The following DNAH5 variants were observed in gnomAD, a reference collection of about 807,000 sequenced individuals.
DNAH5 encodes dynein axonemal heavy chain 5, also known as axonemal beta dynein heavy chain 5.
DNAH5 carries 372 observed loss-of-function variants against 518.2 expected under a neutral mutation model. The observed-to-expected ratio is 0.72, with a 90% CI of 0.66 to 0.78. DNAH5 has a LOEUF of 0.78. Ranked by LOEUF, DNAH5 falls within the 30% of genes least tolerant of loss-of-function variation. The pLI, the probability that DNAH5 is intolerant of heterozygous loss-of-function variation, is 0.00. For synonymous variants in DNAH5, 2,039 were observed against 2,025.9 expected (o/e 1.01, Z -0.17); for missense variants, 5,523 against 5,687.0 (o/e 0.97, Z 0.93).
At chr5:13,961,715 G>T (rs1169909918) in intron 1 of DNAH5, among the ~76,000 whole-genome samples, 2 of 152,120 alleles carry the variant, frequency 1.3e-5, no homozygotes, top group African/African-American at 4.8e-5. Flanking sequence ...CGGACAAAAT[G>T]ATCCCATCTT....
rs111741405 is a variant in DNAH5, at chr5:13,914,933, G to A, written c.1198-291C>T. ...CAAGGAAGGATTCATTTCCTTCCCT[G>A]AAAACTGATGAGTTTCCCCAAATCT... On this transcript the variant is annotated intron_variant, in intron 9 of 78. Transcript: ENST00000265104. Among the ~76,000 whole-genome samples, 396 of 152,154 alleles carry A rather than the reference G, an allele frequency of 2.6e-3. 4 individuals are homozygous for A. Among genetic ancestry groups the A allele is most frequent in the African/African-American group, 8.9e-3 (371 of 41,534 alleles).
At chr5:13,786,095 T>C (rs529444750) in intron 52 of DNAH5, 84 bp downstream of exon 52, 2 of 1,363,582 alleles carry the variant, frequency 1.5e-6, no homozygotes, top group Admixed American at 3.5e-5. Context: ...TCCTAGGAAA[T>C]GAAAATAAGA....
At chr5:13,961,454 G>C (rs112422021) in intron 1 of DNAH5, among the ~76,000 whole-genome samples, 1 of 152,010 alleles carries the variant, frequency 6.6e-6, no homozygotes, top group Non-Finnish European at 1.5e-5. Flanking sequence ...GACCAGCCTG[G>C]CCAACATGGT....
rs377675255 is a variant in DNAH5, at chr5:13,901,272, G to A, written c.2032C>T (p.His678Tyr). Residue 678 changes from histidine to tyrosine, a missense_variant, in exon 14 of 79, where the codon CAC (histidine) becomes TAC (tyrosine). Transcript: ENST00000265104. ...KVLLEFEVLF[H>Y]RAWLRQIEEI... ...CTCACTTGCCGAAGCCACGCCCTGT[G>A]GAAGAGGACCTCAAACTCCAGGAGG... 1.1e-5 allele frequency: 18 copies of A among 1,613,862 alleles called. No individual in the cohort carries two copies. Among genetic ancestry groups the A allele is most frequent in the Non-Finnish European group, 1.5e-5 (18 of 1,180,020 alleles).
chr5:13,966,778 A>T lies in DNAH5; in HGVS notation c.13-35534T>A, dbSNP rs183112118. ...GATATTAGTCCTTTGTTGGATGCATAGTTTGTGAAGATATTCTCCCACTGT... is the reference window on the plus strand; with the variant it reads ...GATATTAGTCCTTTGTTGGATGCATTGTTTGTGAAGATATTCTCCCACTGT... On this transcript the variant is annotated intron_variant, in intron 1 of 78. Coordinates refer to the DNAH5 transcript ENST00000681290. Among the ~76,000 whole-genome samples, 4 of 152,276 alleles carry T rather than the reference A, an allele frequency of 2.6e-5. No individual in the cohort carries two copies. In the East Asian group the frequency reaches 7.7e-4, roughly 29 times the overall value.
chr5:13,691,838 C>T lies in DNAH5; in HGVS notation c.*146G>A. ...ATGAAACAAGTAAAATATAAGCATC[C>T]AATTAAGGAGTGGGGAAAACCTATG... is the stretch of plus-strand genomic sequence containing the variant. On this transcript the variant is annotated 3_prime_UTR_variant, in exon 79 of 79. Transcript: ENST00000265104. 1.1e-6 allele frequency: 1 copy of T among 886,682 alleles called. No homozygotes were observed. Among genetic ancestry groups the T allele is most frequent in the Non-Finnish European group, 1.8e-6 (1 of 571,086 alleles). The allele number at this position is 886,682 out of a possible 1,614,324, so 54.9% of individuals were successfully genotyped here. A position where few individuals can be genotyped will look rare whatever the true frequency, so the allele number is the denominator to read the frequency against.
Position 13,729,513 on chromosome 5 carries a change from A to T in DNAH5, c.11809T>A (p.Trp3937Arg). The T allele has an allele frequency of 6.2e-7, 1 of 1,614,016 alleles. No individual in the cohort carries two copies. The highest frequency in any genetic ancestry group is 1.1e-5 in the South Asian group (1 of 91,078). Residue 3937 changes from tryptophan (W) to arginine (R), a missense_variant, in exon 69 of 79, where the codon TGG becomes AGG. Coordinates refer to ENST00000265104, the MANE Select transcript of DNAH5 (RefSeq NM_001369.3). The stretch of plus-strand genomic sequence containing the variant: ...TTCAGCCATGTTATGTCCAGGATCC[A>T]TTTTGATGGTTTTGGAGGACAAGCT... The part of the protein sequence containing the change: ...LKACPPKPSK[W>R]ILDITWLNLV...
chr5:13,918,267 C>A (rs944499346), intron 7 of DNAH5, among the ~76,000 whole-genome samples: 3 of 152,120 alleles, frequency 2.0e-5, no homozygotes, highest in Non-Finnish European at 4.4e-5. Context: ...CTGAAGGAAG[C>A]CTCTAGCCAA....
intron 53 of DNAH5, 58 bp from the exon 54 acceptor site, chr5:13,777,413 C>A: frequency 1.3e-6 from 2 of 1,529,746 alleles, no homozygotes; most frequent in Admixed American, 1.7e-5. Context: ...AGGGAAAGAA[C>A]CTTGTAACAA....
At chr5:13,829,277 A>C in intron 38 of DNAH5, among the ~76,000 whole-genome samples, 1 of 152,310 alleles carries the variant, frequency 6.6e-6, no homozygotes, top group Middle Eastern at 3.4e-3. Flanking sequence ...TGGCTCTTAA[A>C]CCAGTGCAGA....
intron 15 of DNAH5, chr5:13,896,822 C>G (rs1027194193): frequency 1.3e-5 from 2 of 152,120 alleles, no homozygotes; most frequent in Non-Finnish European, 2.9e-5. Flanking sequence ...GTAACCATGT[C>G]AATATTAATA....
At chr5:13,886,227 C>T in intron 17 of DNAH5, 98 bp from the exon 18 acceptor site, 2 of 1,273,936 alleles carry the variant, frequency 1.6e-6, no homozygotes, top group Non-Finnish European at 2.2e-6. Context: ...TGTGGCTCAG[C>T]CTCCAGGTGA....
At chr5:13,712,636 C>A (rs1743644314) in intron 75 of DNAH5, among the ~76,000 whole-genome samples, 1 of 152,062 alleles carries the variant, frequency 6.6e-6, no homozygotes, top group Non-Finnish European at 1.5e-5. Context: ...AAAAAACAAA[C>A]AATCCCATCC....
At chr5:13,972,672 C>T (rs991066155) in intron 1 of DNAH5, among the ~76,000 whole-genome samples, 4 of 152,138 alleles carry the variant, frequency 2.6e-5, no homozygotes, top group African/African-American at 7.2e-5. Flanking sequence ...TTTGGGCACT[C>T]GGAGTTTCTC....
rs1380878625 is a variant in DNAH5, at chr5:13,886,131, T to C, written c.2578-2A>G. ...TTGTGCACCATTTACACAAAGATCC[T>C]AACCAAAAAAAAAAAAAAAAAAAGA... On this transcript the variant is annotated splice_acceptor_variant, in intron 17 of 78. Transcript: ENST00000265104. LOFTEE classifies it high-confidence loss of function. 2.5e-6 allele frequency: 3 copies of C among 1,185,118 alleles called. No individual in the cohort carries two copies. The highest frequency in any genetic ancestry group is 2.2e-6 in the Non-Finnish European group (2 of 898,608). 73.4% of individuals were successfully genotyped at this position (1,185,118 alleles called of 1,614,324 possible).
intron 12 of DNAH5, among the ~76,000 whole-genome samples, chr5:13,909,013 G>C (rs1246303651): frequency 6.6e-6 from 1 of 152,160 alleles, no homozygotes; most frequent in Non-Finnish European, 1.5e-5. Flanking sequence ...AAAGAGAATG[G>C]ACAAAGGAAT....
chr5:13,780,904 C>T lies in DNAH5; in HGVS notation c.8876G>A (p.Gly2959Glu). Residue 2959 changes from glycine (G) to glutamate (E), a missense_variant, in exon 53 of 79, where the codon GGA becomes GAA. Physicochemically the swap from Gly to Glu is moderately conservative, Grantham distance 98 (BLOSUM62 -2). Transcript: ENST00000265104. ...CCTCGTCAGGCTCTGCTTTCCTGAT[C>T]CGCCCACCCCGACCAGGAGGGCATT... ...QGNALLVGVG[G>E]SGKQSLTRLA... 1.2e-6 allele frequency: 2 copies of T among 1,613,774 alleles called. No homozygotes were observed. The highest frequency in any genetic ancestry group is 1.7e-6 in the Non-Finnish European group (2 of 1,179,800).
chr5:13,886,021 C>G lies in DNAH5; in HGVS notation c.2686G>C (p.Glu896Gln). The part of the protein sequence containing the change: ...MLLDVEVLSE[E>Q]ESEKISNENS... The stretch of plus-strand genomic sequence containing the variant: ...TCATTGGATATTTTTTCACTTTCTT[C>G]TTCAGATAAAACTTCCACATCCAGC... The change falls in exon 18 of 79, where the codon GAA becomes CAA. Residue 896 changes from glutamate to glutamine, a missense_variant. This residue lies in a region of DNAH5 where 5,121 missense variants were observed against 5,223.3 expected (regional missense o/e 0.98). Transcript: ENST00000265104. The G allele has an allele frequency of 6.2e-7, 1 of 1,612,508 alleles. No homozygotes were observed. The highest frequency in any genetic ancestry group is 8.5e-7 in the Non-Finnish European group (1 of 1,179,682).
chr5:13,937,624 G>A (rs1336529406), intron 1 of DNAH5, among the ~76,000 whole-genome samples: 1 of 151,624 alleles, frequency 6.6e-6, no homozygotes, highest in Non-Finnish European at 1.5e-5. Context: ...CAATACCTTT[G>A]CACGGGGAAG....
Sources: gnomAD v4.1 joint callset for allele counts (sites outside exome capture counted in the v4.1 genomes callset) on GRCh38, gnomAD v4.1.1 for gene constraint, gnomAD v4.1.1 regional missense constraint, MANE v1.5 for transcripts, NCBI Gene and HGNC (gene_info 2026-07-23, HGNC 2026-07-21) for gene names.